The following ARNT2 variants were observed in gnomAD, a reference collection of about 807,000 sequenced individuals.
The protein encoded by ARNT2 is aryl hydrocarbon receptor nuclear translocator 2.
Under a neutral mutation model 91.7 loss-of-function variants are expected in ARNT2, and 36 were observed. The ratio of observed to expected loss-of-function variants is 0.39; its 90% confidence interval spans 0.30 to 0.52. The LOEUF is 0.52. Among genes scored for constraint, ARNT2 ranks in the 20% least tolerant of loss-of-function variants. The pLI, the probability that ARNT2 is intolerant of heterozygous loss-of-function variation, is 0.72. For missense variants in ARNT2, 775 were observed against 939.3 expected (o/e 0.83, Z 2.29); for synonymous variants, 365 against 347.1 (o/e 1.05, Z -0.57).
intron 8 of ARNT2, among the ~76,000 whole-genome samples, chr15:80,539,897 G>A (rs1897880190): frequency 6.6e-6 from 1 of 151,802 alleles, no homozygotes; most frequent in South Asian, 2.1e-4. Flanking sequence ...ATAAATGTTG[G>A]CAAGGATGCG....
At chr15:80,570,911 CTCAGGG>C (rs1224475568) in intron 12 of ARNT2, among the ~76,000 whole-genome samples, 1 of 152,170 alleles carries the variant, frequency 6.6e-6, no homozygotes, top group Non-Finnish European at 1.5e-5. Context: ...ACAGAATGTT[CTCAGGG>C]TCCTCCAACT....
chr15:80,435,056 C>T (rs1391132874), intron 1 of ARNT2, among the ~76,000 whole-genome samples: 1 of 152,094 alleles, frequency 6.6e-6, no homozygotes, highest in Non-Finnish European at 1.5e-5. Context: ...TACCGGTTGT[C>T]GCCTGTACCA....
chr15:80,411,924 C>T (rs59215602), intron 1 of ARNT2, among the ~76,000 whole-genome samples: 1 of 152,208 alleles, frequency 6.6e-6, no homozygotes, highest in Non-Finnish European at 1.5e-5. Flanking sequence ...GTGGGATCCT[C>T]CCATTTACTG....
intron 8 of ARNT2, among the ~76,000 whole-genome samples, chr15:80,526,848 T>C (rs1430550088): frequency 6.6e-6 from 1 of 152,236 alleles, no homozygotes; most frequent in Admixed American, 6.5e-5. Context: ...ACCTTGCACT[T>C]CTTGCAGTTT....
intron 4 of ARNT2, among the ~76,000 whole-genome samples, chr15:80,471,109 A>C (rs1194917289): frequency 1.3e-5 from 2 of 152,264 alleles, no homozygotes; most frequent in Non-Finnish European, 2.9e-5. Context: ...TCACAATAGC[A>C]AAGACATGGA....
At chr15:80,537,825 C>G (rs2141447188) in intron 8 of ARNT2, among the ~76,000 whole-genome samples, 1 of 152,314 alleles carries the variant, frequency 6.6e-6, no homozygotes, top group Non-Finnish European at 1.5e-5. Flanking sequence ...CCCTACCTGT[C>G]TAACTATTTA....
chr15:80,540,859 G>T (rs550800387), intron 8 of ARNT2, among the ~76,000 whole-genome samples: 32 of 152,082 alleles, frequency 2.1e-4, no homozygotes, highest in African/African-American at 6.3e-4. Flanking sequence ...AGTATTCCAC[G>T]GTGTATATGT....
At chr15:80,569,694 A>G (rs1247295540) in intron 12 of ARNT2, among the ~76,000 whole-genome samples, 1 of 152,226 alleles carries the variant, frequency 6.6e-6, no homozygotes, top group Admixed American at 6.5e-5. Flanking sequence ...CTAGGAGCCC[A>G]AAGAGGAACA....
At chr15:80,502,287 G>C (rs1309214204) in intron 5 of ARNT2, among the ~76,000 whole-genome samples, 1 of 152,214 alleles carries the variant, frequency 6.6e-6, no homozygotes, top group South Asian at 2.1e-4. Flanking sequence ...TGTGGCAGTG[G>C]GCATGGCTGG....
chr15:80,491,488 A>G (rs1897055374), intron 5 of ARNT2, among the ~76,000 whole-genome samples: 1 of 152,108 alleles, frequency 6.6e-6, no homozygotes, highest in East Asian at 1.9e-4. Context: ...ATTCAAGATG[A>G]GATTTGAGTG....
chr15:80,596,697 A>T lies in ARNT2; in HGVS notation c.*2999A>T, dbSNP rs1317500334. The stretch of plus-strand genomic sequence containing the variant: ...ACTTGTGACTTTGTTTGACTCTGTG[A>T]CTCACTTCCTCGCTCACACCTTGTT... On this transcript the variant is annotated 3_prime_UTR_variant, in exon 19 of 19. Coordinates refer to ENST00000303329, the MANE Select transcript of ARNT2 (RefSeq NM_014862.4). 3.9e-5 allele frequency: 6 copies of T among 155,840 alleles called. No homozygotes were observed. The highest frequency in any genetic ancestry group is 8.5e-5 in the Non-Finnish European group (6 of 70,300). 9.7% of individuals were successfully genotyped at this position (155,840 alleles called of 1,614,324 possible). A position where few individuals can be genotyped will look rare whatever the true frequency, so the allele number is the denominator to read the frequency against.
At chr15:80,593,380 T>C (rs1464908509) in intron 18 of ARNT2, among the ~76,000 whole-genome samples, 1 of 152,242 alleles carries the variant, frequency 6.6e-6, no homozygotes, top group Non-Finnish European at 1.5e-5. Context: ...CTAATGCCGT[T>C]TACCTGCTGT....
Position 80,591,234 on chromosome 15 carries a change from C to A in ARNT2, c.1919-334C>A, listed in dbSNP as rs555424659. Among the ~76,000 whole-genome samples the A allele has an allele frequency of 5.9e-5, 9 of 152,266 alleles. No homozygotes were observed. The South Asian group carries it at 1.9e-3, about 32-fold the overall frequency. Reference sequence around the variant, plus strand: ...TGCAACAGATATGCCCCTTGCCCCCCAGATGCCCGCAGGAGGCCTTTGTGC... The same window carrying A: ...TGCAACAGATATGCCCCTTGCCCCCAAGATGCCCGCAGGAGGCCTTTGTGC... On this transcript the variant is annotated intron_variant, in intron 17 of 18. Transcript: ENST00000303329. The surrounding 1 kb of genome is among the most constrained non-coding windows in gnomAD (Gnocchi z 5.1).
chr15:80,543,969 GACCTC>G (rs973517504), intron 8 of ARNT2, among the ~76,000 whole-genome samples: 26 of 152,158 alleles, frequency 1.7e-4, no homozygotes, highest in Admixed American at 1.6e-3. Flanking sequence ...TCAAACTCCT[GACCTC>G]AAGTGATCTG....
intron 5 of ARNT2, among the ~76,000 whole-genome samples, chr15:80,499,805 A>G (rs1262201545): frequency 6.6e-6 from 1 of 152,160 alleles, no homozygotes; most frequent in African/African-American, 2.4e-5. Context: ...GGGATCTTGT[A>G]AGAAGATGGC....
intron 8 of ARNT2, among the ~76,000 whole-genome samples, chr15:80,531,548 A>G (rs1269536724): frequency 6.6e-6 from 1 of 152,242 alleles, no homozygotes; most frequent in African/African-American, 2.4e-5. Context: ...CCCTTCCGAC[A>G]TGGCTCCTTC....
chr15:80,585,883 A>C (rs1192978112), intron 17 of ARNT2, among the ~76,000 whole-genome samples: 1 of 152,178 alleles, frequency 6.6e-6, no homozygotes, highest in Non-Finnish European at 1.5e-5. Flanking sequence ...TCTCTGCAGT[A>C]CCTCGCTTGT....
rs777516457 is a variant in ARNT2 at position 80,592,048 on chromosome 15, GCTGT to G, written c.2055+350_2055+353del. On this transcript the variant is annotated intron_variant, in intron 18 of 18. Coordinates refer to ENST00000303329, the MANE Select transcript of ARNT2 (RefSeq NM_014862.4). ...AGAGCTGCAGGCACCCCCAGGCTTG[GCTGT>G]CTGTCACTGGCTGACCCTCTTTCTT... Among the ~76,000 whole-genome samples the G allele has an allele frequency of 8.3e-4, 127 of 152,220 alleles. 1 individual carries two copies. The highest frequency in any genetic ancestry group is 1.6e-3 in the Non-Finnish European group (106 of 68,004).
At chr15:80,544,063 G>A (rs1017852686) in intron 8 of ARNT2, among the ~76,000 whole-genome samples, 3 of 152,158 alleles carry the variant, frequency 2.0e-5, no homozygotes, top group Non-Finnish European at 4.4e-5. Flanking sequence ...TTTTTAAAAT[G>A]TCAGACATTG....
Sources: allele counts gnomAD v4.1 joint callset (sites outside exome capture counted in the v4.1 genomes callset), GRCh38; gene constraint gnomAD v4.1.1; non-coding constraint Gnocchi (gnomAD v3.1); transcripts MANE v1.5; gene names NCBI Gene and HGNC (gene_info 2026-07-23, HGNC 2026-07-21).